CHADL: variants seen among roughly 807,000 people sequenced by gnomAD.
CHADL encodes the protein chondroadherin-like protein.
In CHADL, 48 loss-of-function variants were observed where a neutral mutation model predicts 52.1. The observed-to-expected ratio is 0.92, with a 90% CI of 0.73 to 1.17. The LOEUF is 1.17. Among genes scored for constraint, CHADL ranks in the 50% most tolerant of loss-of-function variants. The probability of loss-of-function intolerance (pLI) is 0.00; values close to 1 mark genes in which losing one functional copy is unlikely to be tolerated. For synonymous variants in CHADL, 498 were observed against 511.2 expected (o/e 0.97, Z 0.35); for missense variants, 977 against 1,035.1 (o/e 0.94, Z 0.77).
chr22:41,232,534 G>A lies in CHADL; in HGVS notation c.2262+2611C>T, dbSNP rs536522525. 7.4e-4 allele frequency among the ~76,000 whole-genome samples: 113 copies of A among 152,236 alleles called. 1 individual carries two copies. The highest frequency in any genetic ancestry group is 3.4e-3 in the Middle Eastern group (1 of 294). On this transcript the variant is annotated intron_variant, in intron 5 of 5. Coordinates refer to ENST00000216241, the MANE Select transcript of CHADL (RefSeq NM_138481.2). ...CTTCAGCAGGCGAGCATCTCCAGCC[G>A]GGAACAATGCCAGTGCCTGAGCCTC...
chr22:41,238,670 G>A lies in CHADL; in HGVS notation c.402C>T (p.Gly134=), dbSNP rs1270690703. ...ELPQEALDGL[G]SLRRLELEGN... ...CCTCCAGCTCCAGCCGCCGCAACGA[G>A]CCCAGCCCGTCCAGCGCCTCCTGGG... The change falls in exon 3 of 6, where the codon GGC becomes GGT. Residue 134 remains glycine (G), a synonymous_variant. Coordinates refer to ENST00000216241, the MANE Select transcript of CHADL (RefSeq NM_138481.2). The surrounding 1 kb of genome is among the most constrained non-coding windows in gnomAD (Gnocchi z 4.9). 1 of 1,545,112 alleles carries A rather than the reference G, an allele frequency of 6.5e-7. No homozygotes were observed. The highest frequency in any genetic ancestry group is 1.2e-5 in the South Asian group (1 of 83,952).
At chr22:41,239,830 G>A (rs2032829500) in intron 1 of CHADL, among the ~76,000 whole-genome samples, 1 of 152,202 alleles carries the variant, frequency 6.6e-6, no homozygotes, top group African/African-American at 2.4e-5. Flanking sequence ...TACATGGGAG[G>A]AAACCGAGGC....
chr22:41,239,781 AC>A (rs1414604277), intron 1 of CHADL, among the ~76,000 whole-genome samples, 161 bp from the exon 2 acceptor site: 1 of 151,386 alleles, frequency 6.6e-6, no homozygotes, highest in Non-Finnish European at 1.5e-5. Flanking sequence ...CCTGCCCCCC[AC>A]CCCCCACGCA....
intron 5 of CHADL, among the ~76,000 whole-genome samples, chr22:41,234,596 C>G (rs1028673800): frequency 6.6e-6 from 1 of 150,690 alleles, no homozygotes; most frequent in Non-Finnish European, 1.5e-5. Flanking sequence ...CTCTGTCGCC[C>G]AGGCTGGAGT....
At chr22:41,239,169 T>C (rs1427054522) in intron 2 of CHADL, among the ~76,000 whole-genome samples, 1 of 152,206 alleles carries the variant, frequency 6.6e-6, no homozygotes. Flanking sequence ...AGCCCGCCTC[T>C]CCACCACAGG....
chr22:41,237,824 C>G lies in CHADL; in HGVS notation c.1248G>C (p.Leu416=). The stretch of plus-strand genomic sequence containing the variant: ...TGGGGAAGCCGCGGGGCACCGCCTG[C>G]AGGCCGCAGCCCTCGCAGCTGCTGT... ...SRHSSCEGCG[L]QAVPRGFPSD... is the part of the protein sequence containing the mutation. The change falls in exon 3 of 6, where the codon CTG becomes CTC. Residue 416 remains leucine, a synonymous_variant. Coordinates refer to ENST00000216241, the MANE Select transcript of CHADL (RefSeq NM_138481.2). 1 of 1,478,804 alleles carries G rather than the reference C, an allele frequency of 6.8e-7. No homozygotes were observed. The highest frequency in any genetic ancestry group is 1.3e-5 in the South Asian group (1 of 74,892). 91.6% of individuals were successfully genotyped at this position (1,478,804 alleles called of 1,614,324 possible).
intron 5 of CHADL, among the ~76,000 whole-genome samples, chr22:41,232,434 C>T (rs1032794493): frequency 5.3e-5 from 8 of 152,052 alleles, no homozygotes; most frequent in South Asian, 2.1e-4. Context: ...TCAGCCTTCC[C>T]GAGCATCTTC....
Position 41,237,374 on chromosome 22 carries a change from G to A in CHADL, c.1698C>T (p.Gly566=). Residue 566 remains glycine, a synonymous_variant, in exon 3 of 6, where the codon GGC becomes GGT. Coordinates refer to ENST00000216241, the MANE Select transcript of CHADL (RefSeq NM_138481.2). ...GCAGCTTCTCCAGCTCCCGAGCTGG[G>A]CCCAGCGCCCCAAGGGACACTTCGG... The part of the protein sequence containing the change: ...RITEVSLGAL[G]PARELEKLHL... The A allele has an allele frequency of 6.4e-7, 1 of 1,550,668 alleles. No homozygotes were observed.
Position 41,237,407 on chromosome 22 carries a change from G to T in CHADL, c.1665C>A (p.Asn555Lys). Residue 555 changes from asparagine (N) to lysine (K), a missense_variant, in exon 3 of 6, where the codon AAC becomes AAA. Physicochemically the swap from Asn to Lys is moderately conservative, Grantham distance 94. Transcript: ENST00000216241. The part of the protein sequence containing the change: ...RALRWVYLSG[N>K]RITEVSLGAL... ...CCCCAAGGGACACTTCGGTGATGCG[G>T]TTTCCACTCAGGTAGACCCAGCGCA... 6.4e-7 allele frequency: 1 copy of T among 1,550,632 alleles called. No individual in the cohort carries two copies.
At chr22:41,240,122 C>T (rs2032835560) in intron 1 of CHADL, among the ~76,000 whole-genome samples, 1 of 152,130 alleles carries the variant, frequency 6.6e-6, no homozygotes, top group African/African-American at 2.4e-5. Context: ...GCTCTGTTGC[C>T]CAGGCTGGAG....
intron 4 of CHADL, among the ~76,000 whole-genome samples, 172 bp downstream of exon 4, chr22:41,236,312 G>A (rs2032738631): frequency 6.6e-6 from 1 of 152,188 alleles, no homozygotes. Context: ...ACATCCCCAG[G>A]AAGGGTAACT....
Position 41,235,276 on chromosome 22 carries a change from T to C in CHADL, c.2131A>G (p.Arg711Gly). 6.4e-7 allele frequency: 1 copy of C among 1,551,264 alleles called. No homozygotes were observed. Among genetic ancestry groups the C allele is most frequent in the African/African-American group, 1.4e-5 (1 of 73,186 alleles). ...CATPPNARGQRVKAAAAVFED... is the reference protein window; with the variant it reads ...CATPPNARGQGVKAAAAVFED... ...AAGACAGCAGCTGCAGCCTTCACCCTCTGGCCACGGGCATTGGGAGGGGTG... is the reference window on the plus strand; with the variant it reads ...AAGACAGCAGCTGCAGCCTTCACCCCCTGGCCACGGGCATTGGGAGGGGTG... Residue 711 changes from arginine (R) to glycine (G), a missense_variant, in exon 5 of 6, where the codon AGG becomes GGG. Physicochemically the swap from Arg to Gly is moderately radical, Grantham distance 125. Transcript: ENST00000216241.
intron 5 of CHADL, chr22:41,230,569 C>A (rs1436763789): frequency 2.8e-6 from 1 of 355,910 alleles, no homozygotes; most frequent in Admixed American, 4.5e-5. Context: ...GGCCTCCCCC[C>A]GACCCGCCAC....
At chr22:41,235,641 A>G (rs946442683) in intron 4 of CHADL, among the ~76,000 whole-genome samples, 3 of 152,214 alleles carry the variant, frequency 2.0e-5, no homozygotes, top group African/African-American at 4.8e-5. Context: ...CTTTGTAAAA[A>G]GGGGATAATA....
In CHADL at chr22:41,238,379, G is replaced by C; in HGVS notation, c.693C>G (p.Gly231=). 2.0e-6 allele frequency: 3 copies of C among 1,497,062 alleles called. No individual in the cohort carries two copies. Among genetic ancestry groups the C allele is most frequent in the Non-Finnish European group, 2.7e-6 (3 of 1,128,616 alleles). 92.7% of individuals were successfully genotyped at this position (1,497,062 alleles called of 1,614,324 possible). ...TGTGGCCCAGCTCCAGACGGGCCAG[G>C]CCGCGGGCCTGGGACAAGACAGGCC... ...LPGPVLSQAR[G]LARLELGHNP... is the part of the protein sequence containing the mutation. The change falls in exon 3 of 6, where the codon GGC becomes GGG. Residue 231 remains glycine, a synonymous_variant. Coordinates refer to ENST00000216241, the MANE Select transcript of CHADL (RefSeq NM_138481.2). The surrounding 1 kb of genome is among the most constrained non-coding windows in gnomAD (Gnocchi z 4.9).
intron 5 of CHADL, chr22:41,230,337 C>T: frequency 1.0e-6 from 1 of 969,090 alleles, no homozygotes; most frequent in Non-Finnish European, 1.6e-6. Flanking sequence ...CTGACTTTGG[C>T]TTGGAGACTG....
At chr22:41,229,820 A>G in intron 5 of CHADL, 90 bp from the exon 6 acceptor site, 2 of 1,190,590 alleles carry the variant, frequency 1.7e-6, no homozygotes, top group South Asian at 2.6e-5. Context: ...TTTCCCAGAC[A>G]CGCCCCCAAC....
At position 41,238,208 on chromosome 22, in the gene CHADL, G is replaced by A; in HGVS notation, c.864C>T (p.Asn288=). 6.6e-7 allele frequency: 1 copy of A among 1,523,936 alleles called. No homozygotes were observed. Among genetic ancestry groups the A allele is most frequent in the Non-Finnish European group, 8.7e-7 (1 of 1,142,892 alleles). The allele number at this position is 1,523,936 out of a possible 1,614,324, so 94.4% of individuals were successfully genotyped here. Residue 288 remains asparagine (N), a synonymous_variant, in exon 3 of 6, where the codon AAC becomes AAT. Coordinates refer to ENST00000216241, the MANE Select transcript of CHADL (RefSeq NM_138481.2). This position sits in a 1 kb window ranked among gnomAD's most constrained non-coding sequence, Gnocchi z 4.9. ...GCAGCGGGGGCAGGGTGTCTAGCTG[G>A]TTCCCGCGGAGGTCGAGGGTGTGCA... ...PRLHTLDLRG[N]QLDTLPPLQG... is the part of the protein sequence containing the mutation.
In CHADL at chr22:41,237,745, C is replaced by T; in HGVS notation, c.1327G>A (p.Ala443Thr). ...AGGTGGCCCAGGCCGGGGAAGGCCG[C>T]TCGGGGCACCGAGGGGAAGTGGTTC... ...RRNHFPSVPRAAFPGLGHLVS... is the reference protein window; with the variant it reads ...RRNHFPSVPRTAFPGLGHLVS... Residue 443 changes from alanine to threonine, a missense_variant, in exon 3 of 6, where the codon GCG (alanine) becomes ACG (threonine). Ala to Thr is a moderately conservative substitution (Grantham distance 58). Transcript: ENST00000216241. 6.5e-7 allele frequency: 1 copy of T among 1,539,680 alleles called. No individual in the cohort carries two copies. The highest frequency in any genetic ancestry group is 8.8e-7 in the Non-Finnish European group (1 of 1,142,440).
Sources: gnomAD v4.1 joint callset for allele counts (sites outside exome capture counted in the v4.1 genomes callset) on GRCh38, gnomAD v4.1.1 for gene constraint, Gnocchi (gnomAD v3.1) non-coding constraint, MANE v1.5 for transcripts, NCBI Gene and HGNC (gene_info 2026-07-23, HGNC 2026-07-21) for gene names.